The following MYH14 variants were observed in gnomAD, a reference collection of about 807,000 sequenced individuals.
The protein encoded by MYH14 is myosin-14.
Under a neutral mutation model 255.5 loss-of-function variants are expected in MYH14, and 123 were observed. That is an observed-to-expected ratio of 0.48 (90% confidence interval 0.42 to 0.56). The LOEUF (loss-of-function observed/expected upper bound fraction) is 0.56, where lower values mean the gene tolerates loss of function less well. Ranked by LOEUF, MYH14 falls within the 20% of genes least tolerant of loss-of-function variation. The pLI, the probability that MYH14 is intolerant of heterozygous loss-of-function variation, is 0.00. For synonymous variants in MYH14, 1,095 were observed against 1,161.2 expected (o/e 0.94, Z 1.16); for missense variants, 2,423 against 2,802.3 (o/e 0.86, Z 3.06).
Position 50,230,576 on chromosome 19 carries a change from T to C in MYH14, c.926T>C (p.Phe309Ser). ...CGCCAGGCCAAGGACGAGTGCAGCT[T>C]CCACATCTTCTACCAGCTGCTGGGG... ...AIRQAKDECS[F>S]HIFYQLLGGA... Residue 309 changes from phenylalanine to serine, a missense_variant, in exon 9 of 43, where the codon TTC (phenylalanine) becomes TCC (serine). By Grantham distance (155) the Phe-to-Ser change is radical. This residue lies in a region of MYH14 where 672 missense variants were observed against 881.8 expected (regional missense o/e 0.76). Transcript: ENST00000642316. The surrounding 1 kb of genome is among the most constrained non-coding windows in gnomAD (Gnocchi z 4.7). 1 of 1,572,192 alleles carries C rather than the reference T, an allele frequency of 6.4e-7. No individual in the cohort carries two copies. The highest frequency in any genetic ancestry group is 8.6e-7 in the Non-Finnish European group (1 of 1,159,242).
intron 17 of MYH14, among the ~76,000 whole-genome samples, chr19:50,256,435 A>C (rs2034594031): frequency 6.6e-6 from 1 of 152,202 alleles, no homozygotes; most frequent in Non-Finnish European, 1.5e-5. Flanking sequence ...GCAGTGACAC[A>C]ATCTTGGCTC....
chr19:50,245,435 AGAAGAAAGAAAGAAAAAG>A (rs1568492988), intron 11 of MYH14, among the ~76,000 whole-genome samples: 4 of 122,898 alleles, frequency 3.3e-5, no homozygotes, highest in Admixed American at 9.4e-5. Context: ...AAAAAAAAGA[AGAAGAAAGAAAGAAAAAG>A]AAGAAGAAAG....
Position 50,221,254 on chromosome 19 carries a change from A to G in MYH14, c.563-1829A>G, listed in dbSNP as rs2032803847. On this transcript the variant is annotated intron_variant, in intron 3 of 42. Coordinates refer to ENST00000642316, the MANE Select transcript of MYH14 (RefSeq NM_001145809.2). This position sits in a 1 kb window ranked among gnomAD's most constrained non-coding sequence, Gnocchi z 5.3. The stretch of plus-strand genomic sequence containing the variant: ...AGCTGTTTTGAGCCCCATTTTTCAG[A>G]TGGGAAAACAGAGGCACAAAGCAAC... 6.6e-6 allele frequency among the ~76,000 whole-genome samples: 1 copy of G among 151,974 alleles called. No homozygotes were observed. The highest frequency in any genetic ancestry group is 1.5e-5 in the Non-Finnish European group (1 of 67,986).
chr19:50,232,176 T>A, intron 10 of MYH14, 106 bp downstream of exon 10: 1 of 1,406,986 alleles, frequency 7.1e-7, no homozygotes, highest in Non-Finnish European at 9.8e-7. Context: ...ATTGAGCACC[T>A]ACTGGGTGCA....
chr19:50,275,935 C>A (rs2123404529), intron 27 of MYH14, 56 bp from the exon 28 acceptor site: 1 of 1,401,468 alleles, frequency 7.1e-7, no homozygotes, highest in South Asian at 1.3e-5. Context: ...CCCCAGAAAT[C>A]ATTGCCTCAC....
At chr19:50,260,869 G>A (rs1471354979) in intron 20 of MYH14, among the ~76,000 whole-genome samples, 154 bp downstream of exon 20, 1 of 151,192 alleles carries the variant, frequency 6.6e-6, no homozygotes, top group African/African-American at 2.4e-5. Context: ...ATGCATATGT[G>A]TGCATGCGTG....
chr19:50,258,732 A>AAC lies in MYH14; in HGVS notation c.2233-411_2233-410insCA, dbSNP rs1555767741. 423 of 95,186 alleles carry AAC rather than the reference A, an allele frequency of 4.4e-3. 6 individuals are homozygous for AAC. The Middle Eastern group carries it at 0.046, about 10-fold the overall frequency. The allele number at this position is 95,186 out of a possible 1,614,324, so 5.9% of individuals were successfully genotyped here. On this transcript the variant is annotated intron_variant, in intron 18 of 42. Transcript: ENST00000642316. ...GCAAGACTCTGTCTCAAAAAAAAAA[A>AAC]AAAAAAAAAAAACGAACAAACAAAC...
chr19:50,212,649 G>A (rs1406856710), intron 2 of MYH14, among the ~76,000 whole-genome samples: 1 of 152,190 alleles, frequency 6.6e-6, no homozygotes, highest in Non-Finnish European at 1.5e-5. Flanking sequence ...GGTTCACAAA[G>A]CGGAAGATTA....
chr19:50,297,868 C>A (rs748745405), intron 39 of MYH14, among the ~76,000 whole-genome samples: 2 of 152,006 alleles, frequency 1.3e-5, no homozygotes, highest in African/African-American at 2.4e-5. Context: ...TGTGACCTCG[C>A]GTTAATCAAT....
At chr19:50,238,903 A>G (rs1038626442) in intron 10 of MYH14, among the ~76,000 whole-genome samples, 5 of 152,184 alleles carry the variant, frequency 3.3e-5, no homozygotes, top group African/African-American at 1.2e-4. Flanking sequence ...TCCTACGAAC[A>G]TTCCTTTATA....
chr19:50,274,549 C>T (rs2123400298), intron 27 of MYH14, among the ~76,000 whole-genome samples: 1 of 152,306 alleles, frequency 6.6e-6, no homozygotes, highest in African/African-American at 2.4e-5. Context: ...CCTGCCTTGG[C>T]CTCCCAAAGT....
intron 39 of MYH14, among the ~76,000 whole-genome samples, chr19:50,295,257 A>G (rs2036227776): frequency 1.3e-5 from 2 of 151,938 alleles, no homozygotes; most frequent in Middle Eastern, 3.4e-3. Context: ...CCCGGGAGGC[A>G]GAGCTTGCAG....
chr19:50,259,497 G>A (rs1169455219), intron 19 of MYH14, among the ~76,000 whole-genome samples: 1 of 152,244 alleles, frequency 6.6e-6, no homozygotes, highest in Non-Finnish European at 1.5e-5. Context: ...GGGATCTGGG[G>A]TACATTGCTG....
rs189166758 is a variant in MYH14 at position 50,208,689 on chromosome 19, G to A, written c.-3-1674G>A. Among the ~76,000 whole-genome samples the A allele has an allele frequency of 1.6e-4, 25 of 152,160 alleles. No homozygotes were observed. The East Asian group carries it at 4.2e-3, about 26-fold the overall frequency. ...TTAATGATAAAAGTAAAAAAGGAACGGGTAACATTAATTTAATGATATATT... is the reference window on the plus strand; with the variant it reads ...TTAATGATAAAAGTAAAAAAGGAACAGGTAACATTAATTTAATGATATATT... On this transcript the variant is annotated intron_variant, in intron 1 of 42. Coordinates refer to ENST00000642316, the MANE Select transcript of MYH14 (RefSeq NM_001145809.2).
rs967665477 is a variant in MYH14, at chr19:50,266,498, G to A, written c.2695-379G>A. 6.6e-6 allele frequency among the ~76,000 whole-genome samples: 1 copy of A among 152,182 alleles called. No homozygotes were observed. The highest frequency in any genetic ancestry group is 1.5e-5 in the Non-Finnish European group (1 of 68,040). Reference sequence around the variant, plus strand: ...CGCTTGAACCTGGGAGGCAGAGGTTGCAGTGAGCCGAGATCCCACCACTGC... The same window carrying A: ...CGCTTGAACCTGGGAGGCAGAGGTTACAGTGAGCCGAGATCCCACCACTGC... On this transcript the variant is annotated intron_variant, in intron 22 of 42. Coordinates refer to ENST00000642316, the MANE Select transcript of MYH14 (RefSeq NM_001145809.2). The surrounding 1 kb of genome is among the most constrained non-coding windows in gnomAD (Gnocchi z 4.1).
At chr19:50,236,491 T>C (rs576984874) in intron 10 of MYH14, among the ~76,000 whole-genome samples, 1 of 152,164 alleles carries the variant, frequency 6.6e-6, no homozygotes, top group East Asian at 1.9e-4. Context: ...AGGCGGATCA[T>C]GAGGTCAGAA....
Position 50,293,704 on chromosome 19 carries a change from GC to G in MYH14, c.5469+22del. 1 of 1,538,068 alleles carries G rather than the reference GC, an allele frequency of 6.5e-7. No individual in the cohort carries two copies. Among genetic ancestry groups the G allele is most frequent in the Middle Eastern group, 1.8e-4 (1 of 5,656 alleles). On this transcript the variant is annotated intron_variant, in intron 39 of 42. Coordinates refer to ENST00000642316, the MANE Select transcript of MYH14 (RefSeq NM_001145809.2). This position sits in a 1 kb window ranked among gnomAD's most constrained non-coding sequence, Gnocchi z 4.1. ...CTCCTGCAGGTGAGCGTGATTGACC[GC>G]CCCCACCAGCCTCAGTCCCCATTGA... is the stretch of plus-strand genomic sequence containing the variant.
chr19:50,286,716 C>A (rs930373412), intron 34 of MYH14, 22 bp downstream of exon 34: 1 of 1,552,130 alleles, frequency 6.4e-7, no homozygotes, highest in East Asian at 2.4e-5. Context: ...CCCCGCTCCC[C>A]GGGACACACT....
At chr19:50,277,490 C>G in intron 29 of MYH14, among the ~76,000 whole-genome samples, 1 of 151,792 alleles carries the variant, frequency 6.6e-6, no homozygotes, top group South Asian at 2.1e-4. Context: ...CGCCTATAGT[C>G]CCAGCTACTT....
Sources: gnomAD v4.1 joint callset for allele counts (sites outside exome capture counted in the v4.1 genomes callset) on GRCh38, gnomAD v4.1.1 for gene constraint, gnomAD v4.1.1 regional missense constraint, Gnocchi (gnomAD v3.1) non-coding constraint, MANE v1.5 for transcripts, NCBI Gene and HGNC (gene_info 2026-07-23, HGNC 2026-07-21) for gene names.